The following SH3D19 variants were observed in gnomAD, a reference collection of about 807,000 sequenced individuals.
SH3D19 encodes the protein SH3 domain containing 19.
A neutral mutation model predicts 112.1 loss-of-function variants in SH3D19; 58 were observed. That is an observed-to-expected ratio of 0.52 (90% CI 0.42 to 0.64). The LOEUF is 0.64. Ranked by LOEUF, SH3D19 falls within the 30% of genes least tolerant of loss-of-function variation. The pLI is 0.00. For synonymous variants in SH3D19, 391 were observed against 448.5 expected (o/e 0.87, Z 1.62); for missense variants, 1,090 against 1,263.4 (o/e 0.86, Z 2.08).
At chr4:151,131,877 T>C (rs2149737530) in intron 17 of SH3D19, among the ~76,000 whole-genome samples, 1 of 152,272 alleles carries the variant, frequency 6.6e-6, no homozygotes, top group South Asian at 2.1e-4. Context: ...CAGGCTGGAA[T>C]GCAGTGGTGC....
At chr4:151,225,788 G>T (rs1218668795) in intron 2 of SH3D19, among the ~76,000 whole-genome samples, 1 of 152,162 alleles carries the variant, frequency 6.6e-6, no homozygotes, top group East Asian at 1.9e-4. Flanking sequence ...ACTAATAAAT[G>T]AGAGTAAAAT....
intron 1 of SH3D19, among the ~76,000 whole-genome samples, chr4:151,276,237 C>T (rs1368706178): frequency 6.6e-6 from 1 of 152,134 alleles, no homozygotes; most frequent in African/African-American, 2.4e-5. Flanking sequence ...TTGAATTCTG[C>T]CTCCACAGAC....
chr4:151,189,688 G>C (rs924784169), intron 2 of SH3D19, among the ~76,000 whole-genome samples: 9 of 152,112 alleles, frequency 5.9e-5, no homozygotes, highest in Non-Finnish European at 1.2e-4. Flanking sequence ...CTATGATTGT[G>C]AGGCCTCTCC....
intron 1 of SH3D19, among the ~76,000 whole-genome samples, chr4:151,257,778 GCATGCCTGTAGTCCCAGCTACTC>G (rs1185984233): frequency 3.3e-5 from 5 of 152,086 alleles, no homozygotes; most frequent in Non-Finnish European, 2.9e-5. Flanking sequence ...GTGTGGTGGC[GCATGCCTGTAGTCCCAGCTACTC>G]CAGAGACTGA....
In SH3D19 at chr4:151,235,096, A is replaced by G. The variant is rs543877807; in HGVS notation, c.113-9010T>C. ...AGGGGTGCATGCGCAGGTTTGTTAC[A>G]TGTTTCAAAGGGGTTTGGTGTACAG... On this transcript the variant is annotated intron_variant, in intron 1 of 19. Coordinates refer to ENST00000604030, the MANE Select transcript of SH3D19 (RefSeq NM_001378122.1). Among the ~76,000 whole-genome samples the G allele has an allele frequency of 3.3e-4, 50 of 151,932 alleles. No homozygotes were observed. The South Asian group carries it at 0.01, about 32-fold the overall frequency.
At chr4:151,191,035 G>A (rs1054582110) in intron 2 of SH3D19, among the ~76,000 whole-genome samples, 7 of 152,212 alleles carry the variant, frequency 4.6e-5, no homozygotes, top group Non-Finnish European at 7.3e-5. Context: ...GACCTGGATC[G>A]TTTTGGACCT....
At chr4:151,318,300 C>CAAAAAAAAAAAAAAAAAA (rs752720803) in intron 1 of SH3D19, among the ~76,000 whole-genome samples, 2 of 54,468 alleles carry the variant, frequency 3.7e-5, no homozygotes, top group East Asian at 5.3e-4. Context: ...GACTCTGACT[C>CAAAAAAAAAAAAAAAAAA]AAAAAAAAAA....
intron 2 of SH3D19, among the ~76,000 whole-genome samples, chr4:151,202,074 G>A (rs1480895314): frequency 1.3e-5 from 2 of 151,652 alleles, no homozygotes; most frequent in South Asian, 2.1e-4. Context: ...GGTAGCTCAC[G>A]CCTGTAATCC....
chr4:151,303,335 T>G (rs1048228175), intron 1 of SH3D19, among the ~76,000 whole-genome samples: 1 of 152,242 alleles, frequency 6.6e-6, no homozygotes, highest in Non-Finnish European at 1.5e-5. Context: ...TTTTCTTGAA[T>G]AGATTATCAA....
chr4:151,308,270 A>C (rs1372852036), intron 1 of SH3D19, among the ~76,000 whole-genome samples: 1 of 152,226 alleles, frequency 6.6e-6, no homozygotes, highest in Non-Finnish European at 1.5e-5. Context: ...CACATGTGTC[A>C]AGCACTGTTC....
rs57351394 is a variant in SH3D19 at position 151,138,279 on chromosome 4, C to T, written c.2297-417G>A. ...CTAAGGGAGTACTACAACTCTTTAGCAAATAAGTTTACCCATACCAAAACA... is the reference window on the plus strand; with the variant it reads ...CTAAGGGAGTACTACAACTCTTTAGTAAATAAGTTTACCCATACCAAAACA... On this transcript the variant is annotated intron_variant, in intron 13 of 19. Transcript: ENST00000604030. Among the ~76,000 whole-genome samples the T allele has an allele frequency of 6.6e-3, 1,008 of 152,226 alleles. 18 individuals carry two copies. Among genetic ancestry groups the T allele is most frequent in the African/African-American group, 0.023 (958 of 41,548 alleles).
At chr4:151,160,429 T>C (rs1441905985) in intron 8 of SH3D19, among the ~76,000 whole-genome samples, 1 of 152,218 alleles carries the variant, frequency 6.6e-6, no homozygotes, top group Non-Finnish European at 1.5e-5. Context: ...ATGAACATAA[T>C]TGCCCTCAAT....
intron 18 of SH3D19, 44 bp downstream of exon 18, chr4:151,128,126 G>A: frequency 6.7e-7 from 1 of 1,500,264 alleles, no homozygotes; most frequent in Non-Finnish European, 9.0e-7. Flanking sequence ...GAAGGTTTCA[G>A]GCTCCCCGTG....
At chr4:151,174,482 C>A (rs1759589011) in intron 7 of SH3D19, among the ~76,000 whole-genome samples, 188 bp downstream of exon 7, 1 of 152,186 alleles carries the variant, frequency 6.6e-6, no homozygotes, top group Non-Finnish European at 1.5e-5. Context: ...TGTCTCCATT[C>A]CCCACATAGC....
At chr4:151,232,461 A>G (rs1023644864) in intron 1 of SH3D19, among the ~76,000 whole-genome samples, 1 of 152,160 alleles carries the variant, frequency 6.6e-6, no homozygotes, top group African/African-American at 2.4e-5. Flanking sequence ...TGTACACTTA[A>G]GCATACCACA....
At chr4:151,159,496 C>G (rs1215738589) in intron 8 of SH3D19, 144 bp from the exon 9 acceptor site, 2 of 591,698 alleles carry the variant, frequency 3.4e-6, no homozygotes, top group Admixed American at 7.7e-5. Flanking sequence ...GAGCTCCCAG[C>G]AAACTTCAGA....
At chr4:151,303,284 T>A (rs559246760) in intron 1 of SH3D19, among the ~76,000 whole-genome samples, 1 of 152,306 alleles carries the variant, frequency 6.6e-6, no homozygotes, top group East Asian at 1.9e-4. Context: ...TGAAAAATGA[T>A]CTTCAGAGGA....
chr4:151,308,138 T>C (rs1729100290), intron 1 of SH3D19, among the ~76,000 whole-genome samples: 1 of 152,114 alleles, frequency 6.6e-6, no homozygotes, highest in Non-Finnish European at 1.5e-5. Context: ...ACTCCTGACC[T>C]CAAGTGATCC....
intron 1 of SH3D19, among the ~76,000 whole-genome samples, chr4:151,252,802 G>A (rs1771518261): frequency 1.3e-5 from 2 of 152,186 alleles, no homozygotes; most frequent in African/African-American, 2.4e-5. Context: ...CCCCATTTCA[G>A]TAAACAGTAC....
Sources: gnomAD v4.1 joint callset for allele counts (sites outside exome capture counted in the v4.1 genomes callset) on GRCh38, gnomAD v4.1.1 for gene constraint, MANE v1.5 for transcripts, NCBI Gene and HGNC (gene_info 2026-07-23, HGNC 2026-07-21) for gene names.